Variants in UVRAG observed in about 807,000 individuals in gnomAD.
UVRAG encodes the protein UV radiation resistance-associated gene protein.
Under a neutral mutation model 78.0 loss-of-function variants are expected in UVRAG, and 19 were observed. The observed-to-expected ratio is 0.24, with a 90% CI of 0.17 to 0.36. The LOEUF (loss-of-function observed/expected upper bound fraction) is 0.36, where lower values mean the gene tolerates loss of function less well. Ranked by LOEUF, UVRAG falls within the 10% of genes least tolerant of loss-of-function variation. The pLI, the probability that UVRAG is intolerant of heterozygous loss-of-function variation, is 1.00. For synonymous variants in UVRAG, 323 were observed against 324.6 expected (o/e 1.00, Z 0.05); for missense variants, 740 against 853.8 (o/e 0.87, Z 1.66).
chr11:75,992,829 A>C (rs150100474), intron 8 of UVRAG, among the ~76,000 whole-genome samples: 1 of 152,192 alleles, frequency 6.6e-6, no homozygotes, highest in South Asian at 2.1e-4. Context: ...AAAGCACCAT[A>C]GTCACTGGTA....
intron 13 of UVRAG, among the ~76,000 whole-genome samples, chr11:76,094,887 C>A (rs1951762418): frequency 6.6e-6 from 1 of 152,140 alleles, no homozygotes; most frequent in Non-Finnish European, 1.5e-5. Flanking sequence ...CATTAGGGAA[C>A]ACCTGACATC....
At chr11:76,131,898 AAAG>A (rs1477939504) in intron 14 of UVRAG, among the ~76,000 whole-genome samples, 3 of 152,222 alleles carry the variant, frequency 2.0e-5, no homozygotes, top group African/African-American at 4.8e-5. Context: ...TGAGAGAGGG[AAAG>A]AAGAAGGATA....
At chr11:75,947,864 T>C (rs1948613706) in intron 6 of UVRAG, among the ~76,000 whole-genome samples, 1 of 152,178 alleles carries the variant, frequency 6.6e-6, no homozygotes, top group Admixed American at 6.6e-5. Context: ...AGTTTTTAGC[T>C]TAGTGCCTGG....
intron 13 of UVRAG, among the ~76,000 whole-genome samples, chr11:76,108,113 A>G (rs1200150678): frequency 1.3e-5 from 2 of 152,146 alleles, no homozygotes; most frequent in Non-Finnish European, 2.9e-5. Context: ...CATGCAGCTT[A>G]GCTCAGGCCA....
intron 12 of UVRAG, among the ~76,000 whole-genome samples, chr11:76,047,649 A>G (rs542925185): frequency 6.6e-6 from 1 of 152,342 alleles, no homozygotes; most frequent in East Asian, 1.9e-4. Context: ...ATAGGCTACT[A>G]GGTATAGCTG....
intron 3 of UVRAG, among the ~76,000 whole-genome samples, chr11:75,877,774 C>T (rs1240255731): frequency 4.2e-5 from 6 of 141,222 alleles, no homozygotes; most frequent in African/African-American, 1.6e-4. Context: ...AGCGGCTGGC[C>T]AGGCAGAGGG....
Position 76,032,817 on chromosome 11 carries a change from A to C in UVRAG, c.1226+15837A>C, listed in dbSNP as rs575505325. ...CAGATAATACACCTTTCCATGGACC[A>C]AAGCCTCCACTTTCTCACCTTGCCT... On this transcript the variant is annotated intron_variant, in intron 12 of 14. Coordinates refer to ENST00000356136, the MANE Select transcript of UVRAG (RefSeq NM_003369.4). 1.6e-4 allele frequency among the ~76,000 whole-genome samples: 25 copies of C among 152,354 alleles called. No homozygotes were observed. In the East Asian group the frequency reaches 4.2e-3, roughly 26 times the overall value.
chr11:76,072,600 A>G (rs1434573707), intron 13 of UVRAG, among the ~76,000 whole-genome samples: 1 of 152,180 alleles, frequency 6.6e-6, no homozygotes, highest in African/African-American at 2.4e-5. Flanking sequence ...TTTGATAGGT[A>G]TGATATAAAT....
rs186343076 is a variant in UVRAG, at chr11:75,998,356, A to T, written c.827-5649A>T. Among the ~76,000 whole-genome samples, 4 of 152,312 alleles carry T rather than the reference A, an allele frequency of 2.6e-5. No individual in the cohort carries two copies. The East Asian group carries it at 7.7e-4, about 29-fold the overall frequency. ...ATTTGAGGAAAACAGCATGAATGAG[A>T]CCTAGTTGAATAAACAGAATAGCTG... On this transcript the variant is annotated intron_variant, in intron 8 of 14. Transcript: ENST00000356136.
chr11:76,137,214 A>G, intron 14 of UVRAG: 1 of 395,814 alleles, frequency 2.5e-6, no homozygotes, highest in Middle Eastern at 3.6e-4. Flanking sequence ...TTACAAGAAC[A>G]CAGCAAACTA....
At chr11:75,981,151 G>T (rs1011489722) in intron 7 of UVRAG, among the ~76,000 whole-genome samples, 2 of 151,754 alleles carry the variant, frequency 1.3e-5, no homozygotes, top group African/African-American at 4.8e-5. Context: ...TTGCCCTGTC[G>T]CCCAGACTGG....
chr11:75,930,824 T>A (rs1040019106), intron 6 of UVRAG: 2 of 152,236 alleles, frequency 1.3e-5, no homozygotes, highest in African/African-American at 4.8e-5. Flanking sequence ...GCACGGCATG[T>A]GTTGGCATCT....
intron 7 of UVRAG, among the ~76,000 whole-genome samples, chr11:75,963,626 G>C (rs1948952344): frequency 6.6e-6 from 1 of 152,168 alleles, no homozygotes; most frequent in Admixed American, 6.5e-5. Flanking sequence ...AGGCATATTT[G>C]ATGTTGAAAG....
chr11:76,112,740 T>G (rs1005536490), intron 13 of UVRAG, among the ~76,000 whole-genome samples: 3 of 151,676 alleles, frequency 2.0e-5, no homozygotes, highest in African/African-American at 4.9e-5. Context: ...CTTTTTTTTT[T>G]TTTGAGACAG....
At chr11:76,063,575 G>A (rs989853180) in intron 12 of UVRAG, among the ~76,000 whole-genome samples, 5 of 152,048 alleles carry the variant, frequency 3.3e-5, no homozygotes, top group African/African-American at 9.7e-5. Flanking sequence ...CAGTAGAGTC[G>A]GTGAATTTTC....
At chr11:75,941,662 C>G (rs1775196151) in intron 6 of UVRAG, among the ~76,000 whole-genome samples, 1 of 152,120 alleles carries the variant, frequency 6.6e-6, no homozygotes, top group African/African-American at 2.4e-5. Context: ...CCATATCTGA[C>G]ATTCCCCCCT....
chr11:76,117,320 T>G (rs2134470220), intron 14 of UVRAG, among the ~76,000 whole-genome samples: 1 of 152,350 alleles, frequency 6.6e-6, no homozygotes, highest in Non-Finnish European at 1.5e-5. Flanking sequence ...TCAGTACAGA[T>G]AGCAGATTGT....
chr11:75,986,696 G>A (rs1807754092), intron 8 of UVRAG, among the ~76,000 whole-genome samples: 1 of 152,066 alleles, frequency 6.6e-6, no homozygotes, highest in Non-Finnish European at 1.5e-5. Context: ...ACAGAGTTGT[G>A]CAGTGATCAC....
At chr11:76,078,352 A>G (rs144071890) in intron 13 of UVRAG, among the ~76,000 whole-genome samples, 284 of 152,326 alleles carry the variant, frequency 1.9e-3, no homozygotes, top group African/African-American at 6.6e-3. Context: ...AAGAGAGACT[A>G]CTTTCACCAA....
Sources: allele counts gnomAD v4.1 joint callset (sites outside exome capture counted in the v4.1 genomes callset), GRCh38; gene constraint gnomAD v4.1.1; transcripts MANE v1.5; gene names NCBI Gene and HGNC (gene_info 2026-07-23, HGNC 2026-07-21).